The following MTREX variants were observed in gnomAD, a reference collection of about 807,000 sequenced individuals.
MTREX encodes the protein Mtr4 exosome RNA helicase, also known as exosome RNA helicase MTR4.
Under a neutral mutation model 135.4 loss-of-function variants are expected in MTREX, and 76 were observed. The ratio of observed to expected loss-of-function variants is 0.56; its 90% CI spans 0.47 to 0.68. MTREX has a LOEUF of 0.68. Ranked by LOEUF, MTREX falls within the 30% of genes least tolerant of loss-of-function variation. The probability of loss-of-function intolerance (pLI) is 0.00; values close to 1 mark genes in which losing one functional copy is unlikely to be tolerated. For missense variants in MTREX, 920 were observed against 1,262.1 expected, an observed-to-expected ratio of 0.73 and a Z score of 4.11; for synonymous variants, 404 against 401.6, an observed-to-expected ratio of 1.01 and a Z score of -0.07.
Position 55,327,790 on chromosome 5 carries a change from G to C in MTREX, c.402+12G>C. The C allele has an allele frequency of 6.3e-7, 1 of 1,592,526 alleles. No homozygotes were observed. The highest frequency in any genetic ancestry group is 8.6e-7 in the Non-Finnish European group (1 of 1,161,644). ...GAAAAGCTGCTAAGGTCTGTACTTT[G>C]GGTAATACAGTTTATATAGTTTCGT... On this transcript the variant is annotated intron_variant, in intron 4 of 26. Coordinates refer to ENST00000230640, the MANE Select transcript of MTREX (RefSeq NM_015360.5).
intron 15 of MTREX, among the ~76,000 whole-genome samples, chr5:55,360,236 C>G (rs907068814): frequency 6.6e-6 from 1 of 152,024 alleles, no homozygotes; most frequent in Non-Finnish European, 1.5e-5. Context: ...TTCACTTAGC[C>G]TAATGTTTTC....
At chr5:55,361,851 C>G (rs1387675496) in intron 15 of MTREX, among the ~76,000 whole-genome samples, 1 of 152,042 alleles carries the variant, frequency 6.6e-6, no homozygotes, top group East Asian at 1.9e-4. Context: ...TCGCAGCCTC[C>G]CAAGGTGCTA....
At chr5:55,399,182 T>G (rs1400626721) in intron 20 of MTREX, among the ~76,000 whole-genome samples, 2 of 152,240 alleles carry the variant, frequency 1.3e-5, no homozygotes, top group South Asian at 2.1e-4. Context: ...CTGTACCATA[T>G]GCACTTACCA....
In MTREX at chr5:55,309,166, T is replaced by C. The variant is rs1252032610; in HGVS notation, c.134+1019T>C. Reference sequence around the variant, plus strand: ...TAATGGTGCCAAGTTTGTTTGTTTTTAGGAGCATAAATTGAGCAAGAGGAA... The same window carrying C: ...TAATGGTGCCAAGTTTGTTTGTTTTCAGGAGCATAAATTGAGCAAGAGGAA... On this transcript the variant is annotated intron_variant, in intron 1 of 26. Coordinates refer to ENST00000230640, the MANE Select transcript of MTREX (RefSeq NM_015360.5). 2.0e-5 allele frequency among the ~76,000 whole-genome samples: 3 copies of C among 152,202 alleles called. No individual in the cohort carries two copies. The East Asian group carries it at 5.8e-4, about 29-fold the overall frequency.
At chr5:55,355,554 A>G (rs1749897689) in intron 14 of MTREX, among the ~76,000 whole-genome samples, 3 of 152,180 alleles carry the variant, frequency 2.0e-5, no homozygotes, top group African/African-American at 7.2e-5. Context: ...GGACCCTCTC[A>G]TAGTCAGAGA....
chr5:55,327,004 A>G (rs1749394532), intron 3 of MTREX, among the ~76,000 whole-genome samples: 3 of 152,210 alleles, frequency 2.0e-5, no homozygotes, highest in African/African-American at 7.2e-5. Flanking sequence ...AGCTTCATCC[A>G]TATCCCTGCA....
intron 6 of MTREX, among the ~76,000 whole-genome samples, chr5:55,340,783 G>A (rs556777630): frequency 2.9e-4 from 44 of 152,012 alleles, no homozygotes; most frequent in African/African-American, 9.9e-4. Context: ...GGGTTTCACC[G>A]TGTTAGCCAG....
intron 3 of MTREX, among the ~76,000 whole-genome samples, chr5:55,325,014 T>C (rs1284917940): frequency 6.6e-6 from 1 of 152,156 alleles, no homozygotes; most frequent in African/African-American, 2.4e-5. Context: ...CACAAGATGG[T>C]GGTCAGAGAT....
intron 22 of MTREX, among the ~76,000 whole-genome samples, chr5:55,408,143 T>C (rs770637555): frequency 6.6e-6 from 1 of 152,172 alleles, no homozygotes; most frequent in Non-Finnish European, 1.5e-5. Context: ...TTTAGTATAT[T>C]GTTACTCTCC....
chr5:55,394,296 T>G (rs1750614154), intron 19 of MTREX, among the ~76,000 whole-genome samples: 1 of 152,262 alleles, frequency 6.6e-6, no homozygotes, highest in Non-Finnish European at 1.5e-5. Flanking sequence ...GTCCTGAGTC[T>G]TCTCTGTCCA....
At chr5:55,378,531 T>A in intron 17 of MTREX, 45 bp downstream of exon 17, 2 of 1,535,130 alleles carry the variant, frequency 1.3e-6, no homozygotes, top group Non-Finnish European at 1.8e-6. Flanking sequence ...ATTCAATATT[T>A]AAACATATTT....
Position 55,366,813 on chromosome 5 carries a change from A to G in MTREX, c.1748A>G (p.Tyr583Cys), listed in dbSNP as rs1750112112. 6.2e-7 allele frequency: 1 copy of G among 1,610,218 alleles called. No homozygotes were observed. The highest frequency in any genetic ancestry group is 8.5e-7 in the Non-Finnish European group (1 of 1,177,978). ...CGTGTAGAAGAAATTAATCCTGAGT[A>G]CATGTTGGAAAAATCCTTCTACCAG... Reference protein sequence around the residue: ...LLRVEEINPEYMLEKSFYQFQ... With the variant: ...LLRVEEINPECMLEKSFYQFQ... Residue 583 changes from tyrosine (Y) to cysteine (C), a missense_variant, in exon 16 of 27, where the codon TAC (tyrosine) becomes TGC (cysteine). Transcript: ENST00000230640.
Position 55,339,811 on chromosome 5 carries a change from C to T in MTREX, c.516-199C>T, listed in dbSNP as rs188851118. On this transcript the variant is annotated intron_variant, in intron 5 of 26. Transcript: ENST00000230640. ...CTAAGTTGCATTAACTCTGAGTGACCGGAGTTAAAATGATTTTAGATCACT... is the reference window on the plus strand; with the variant it reads ...CTAAGTTGCATTAACTCTGAGTGACTGGAGTTAAAATGATTTTAGATCACT... Among the ~76,000 whole-genome samples, 292 of 151,994 alleles carry T rather than the reference C, an allele frequency of 1.9e-3. 1 individual carries two copies. The highest frequency in any genetic ancestry group is 3.9e-3 in the Non-Finnish European group (263 of 67,980).
At chr5:55,403,924 C>T (rs1750760781) in intron 21 of MTREX, among the ~76,000 whole-genome samples, 2 of 152,176 alleles carry the variant, frequency 1.3e-5, no homozygotes, top group African/African-American at 4.8e-5. Flanking sequence ...GCTAGCCTGG[C>T]TTTGAACTCC....
intron 5 of MTREX, among the ~76,000 whole-genome samples, chr5:55,334,711 C>T (rs1749526547): frequency 6.6e-6 from 1 of 151,942 alleles, no homozygotes; most frequent in African/African-American, 2.4e-5. Flanking sequence ...CTATTTAGTT[C>T]TCTTATGTGT....
chr5:55,347,565 ATT>A (rs1749758814), intron 11 of MTREX, among the ~76,000 whole-genome samples: 1 of 152,198 alleles, frequency 6.6e-6, no homozygotes, highest in African/African-American at 2.4e-5. Flanking sequence ...TTGCTTAACT[ATT>A]TTGTAATTCT....
chr5:55,333,740 G>GATTTGTTATAATGTAGA (rs905115557), intron 5 of MTREX, among the ~76,000 whole-genome samples: 4 of 152,064 alleles, frequency 2.6e-5, no homozygotes, highest in African/African-American at 7.2e-5. Flanking sequence ...TCTACTCCTA[G>GATTTGTTATAATGTAGA]ATTTGTTATA....
intron 1 of MTREX, among the ~76,000 whole-genome samples, chr5:55,315,474 C>A (rs1177130714): frequency 6.6e-6 from 1 of 152,094 alleles, no homozygotes; most frequent in East Asian, 1.9e-4. Context: ...ACAGATTGCC[C>A]AGATAGTCTA....
chr5:55,374,632 A>G (rs1480797455), intron 16 of MTREX, among the ~76,000 whole-genome samples: 1 of 152,124 alleles, frequency 6.6e-6, no homozygotes, highest in African/African-American at 2.4e-5. Flanking sequence ...CCTCAAAAGA[A>G]CAACTTTGTT....
Sources: allele counts gnomAD v4.1 joint callset (sites outside exome capture counted in the v4.1 genomes callset), GRCh38; gene constraint gnomAD v4.1.1; transcripts MANE v1.5; gene names NCBI Gene and HGNC (gene_info 2026-07-23, HGNC 2026-07-21).